Variants in ATP2B2 observed in about 807,000 individuals in gnomAD.
ATP2B2 encodes the protein plasma membrane calcium-transporting ATPase 2.
A neutral mutation model predicts 120.0 loss-of-function variants in ATP2B2; 15 were observed. That is an observed-to-expected ratio of 0.12 (90% CI 0.08 to 0.19). ATP2B2 has a LOEUF of 0.19. ATP2B2 is among the 10% of genes least tolerant of loss of function. The pLI, the probability that ATP2B2 is intolerant of heterozygous loss-of-function variation, is 1.00. For synonymous variants in ATP2B2, 694 were observed against 700.3 expected (o/e 0.99, Z 0.14); for missense variants, 1,045 against 1,719.8 (o/e 0.61, Z 6.94).
chr3:10,486,524 G>A (rs1472051599), intron 1 of ATP2B2, among the ~76,000 whole-genome samples: 1 of 151,922 alleles, frequency 6.6e-6, no homozygotes, highest in African/African-American at 2.4e-5. Flanking sequence ...GTCTTTAAAC[G>A]TGCCCAGTAT....
chr3:10,498,400 G>A (rs976914473), intron 1 of ATP2B2, among the ~76,000 whole-genome samples: 2 of 152,260 alleles, frequency 1.3e-5, no homozygotes, highest in African/African-American at 4.8e-5. Context: ...TCAGTGAGCT[G>A]GAGGCCAGCA....
At chr3:10,568,833 A>T (rs1261690237) in intron 2 of ATP2B2, among the ~76,000 whole-genome samples, 1 of 152,232 alleles carries the variant, frequency 6.6e-6, no homozygotes, top group East Asian at 1.9e-4. Flanking sequence ...TGTGGCTGTC[A>T]CATAGCCTCG....
At chr3:10,409,767 C>T (rs1003871685) in intron 3 of ATP2B2, among the ~76,000 whole-genome samples, 1 of 152,080 alleles carries the variant, frequency 6.6e-6, no homozygotes, top group African/African-American at 2.4e-5. Context: ...AAATGAGGCC[C>T]ATAATGTTAT....
intron 1 of ATP2B2, among the ~76,000 whole-genome samples, chr3:10,689,740 C>A (rs540940868): frequency 2.6e-5 from 4 of 152,194 alleles, no homozygotes; most frequent in Non-Finnish European, 5.9e-5. Context: ...GCCGGGAAAC[C>A]ACTCAGATGC....
At chr3:10,628,640 C>G (rs1012985613) in intron 1 of ATP2B2, among the ~76,000 whole-genome samples, 2 of 152,218 alleles carry the variant, frequency 1.3e-5, no homozygotes, top group African/African-American at 4.8e-5. Context: ...CCTTTCACAG[C>G]CTTTACCATA....
intron 3 of ATP2B2, among the ~76,000 whole-genome samples, chr3:10,525,319 C>T (rs1294613267): frequency 6.6e-6 from 1 of 152,200 alleles, no homozygotes; most frequent in Non-Finnish European, 1.5e-5. Flanking sequence ...AGGCTTTGCT[C>T]TTCTGGGCCT....
At chr3:10,637,290 A>G (rs937808235) in intron 1 of ATP2B2, among the ~76,000 whole-genome samples, 25 of 152,260 alleles carry the variant, frequency 1.6e-4, no homozygotes, top group African/African-American at 6.0e-4. Flanking sequence ...CTTACCAGGT[A>G]TGCAAAGAAT....
chr3:10,669,187 A>G (rs2071027800), intron 1 of ATP2B2, among the ~76,000 whole-genome samples: 1 of 152,176 alleles, frequency 6.6e-6, no homozygotes, highest in African/African-American at 2.4e-5. Context: ...TCCTGTCCCA[A>G]AGAGGACTTG....
intron 1 of ATP2B2, among the ~76,000 whole-genome samples, chr3:10,684,450 T>C (rs59498265): frequency 0.028 from 4,283 of 152,324 alleles, 58 homozygotes; most frequent in South Asian, 0.071. Flanking sequence ...AATCCCTTTC[T>C]TGCTTAAACT....
At chr3:10,404,372 C>T (rs1327723497) in intron 3 of ATP2B2, among the ~76,000 whole-genome samples, 1 of 152,200 alleles carries the variant, frequency 6.6e-6, no homozygotes, top group Admixed American at 6.5e-5. Flanking sequence ...TAATGGTAAC[C>T]AAGTTTGAAT....
intron 2 of ATP2B2, among the ~76,000 whole-genome samples, chr3:10,439,399 T>C (rs751990804): frequency 6.6e-6 from 1 of 152,082 alleles, no homozygotes; most frequent in Non-Finnish European, 1.5e-5. Flanking sequence ...CCAGCATGGG[T>C]GGACTGAGCA....
rs116541708 is a variant in ATP2B2 at position 10,358,066 on chromosome 3, G to A, written c.2136+625C>T. 6.6e-3 allele frequency among the ~76,000 whole-genome samples: 1,006 copies of A among 152,332 alleles called. 8 individuals are homozygous for A. Among genetic ancestry groups the A allele is most frequent in the African/African-American group, 0.023 (961 of 41,558 alleles). ...CCTTGATCCTTGTGAAGTGGGTGCT[G>A]TCAGCCCCCTTCCCTTCTGCTGGAG... is the stretch of plus-strand genomic sequence containing the variant. On this transcript the variant is annotated intron_variant, in intron 14 of 22. Transcript: ENST00000360273.
chr3:10,620,359 A>G (rs1439871336), intron 1 of ATP2B2, among the ~76,000 whole-genome samples: 3 of 152,200 alleles, frequency 2.0e-5, no homozygotes, highest in Non-Finnish European at 4.4e-5. Context: ...GTGAGAAGGT[A>G]AAGTCAGGCT....
intron 22 of ATP2B2, chr3:10,332,214 C>T: frequency 4.8e-6 from 3 of 622,594 alleles, no homozygotes; most frequent in Non-Finnish European, 8.9e-6. Flanking sequence ...ACAGTGCAAA[C>T]TCCTTGCCCT....
chr3:10,389,206 T>A (rs1478481201), intron 5 of ATP2B2, among the ~76,000 whole-genome samples: 1 of 151,924 alleles, frequency 6.6e-6, no homozygotes, highest in African/African-American at 2.4e-5. Flanking sequence ...AGGCCTTTGG[T>A]CAGGATGGCT....
chr3:10,668,065 G>C (rs6770332), intron 1 of ATP2B2, among the ~76,000 whole-genome samples: 1 of 152,128 alleles, frequency 6.6e-6, no homozygotes, highest in Non-Finnish European at 1.5e-5. Context: ...CCTGGCTTCC[G>C]ACCTCCTGGT....
At chr3:10,533,473 A>G (rs2067250639) in intron 3 of ATP2B2, among the ~76,000 whole-genome samples, 1 of 152,196 alleles carries the variant, frequency 6.6e-6, no homozygotes, top group Non-Finnish European at 1.5e-5. Flanking sequence ...CAGAGCTAGT[A>G]TTTGAACCTG....
chr3:10,512,464 G>GCGCGCGCGCGCGCACACACACA (rs749056818), intron 3 of ATP2B2, among the ~76,000 whole-genome samples: 2 of 136,926 alleles, frequency 1.5e-5, no homozygotes, highest in South Asian at 2.3e-4. Context: ...AAGTGTGTGC[G>GCGCGCGCGCGCGCACACACACA]CACACACACA....
chr3:10,678,886 AG>A (rs1219294502), intron 1 of ATP2B2, among the ~76,000 whole-genome samples: 1 of 152,118 alleles, frequency 6.6e-6, no homozygotes, highest in African/African-American at 2.4e-5. Context: ...TGGTCATGTG[AG>A]GTTATATAGC....
Sources: allele counts gnomAD v4.1 joint callset (sites outside exome capture counted in the v4.1 genomes callset), GRCh38; gene constraint gnomAD v4.1.1; transcripts MANE v1.5; gene names NCBI Gene and HGNC (gene_info 2026-07-23, HGNC 2026-07-21).